CREB5: variants seen among roughly 807,000 people sequenced by gnomAD.
CREB5 encodes cyclic AMP-responsive element-binding protein 5.
CREB5 carries 19 observed loss-of-function variants against 57.1 expected under a neutral mutation model. The observed-to-expected ratio is 0.33, with a 90% CI of 0.23 to 0.49. The LOEUF is 0.49. CREB5 is among the 20% of genes least tolerant of loss of function. CREB5 has a pLI of 0.99. For missense variants in CREB5, 579 were observed against 671.6 expected (o/e 0.86, Z 1.52); for synonymous variants, 238 against 238.3 (o/e 1.00, Z 0.01).
At chr7:28,542,506 C>G (rs1020995707) in intron 4 of CREB5, among the ~76,000 whole-genome samples, 2 of 152,080 alleles carry the variant, frequency 1.3e-5, no homozygotes, top group African/African-American at 4.8e-5. Flanking sequence ...TTGTAAGAGA[C>G]AGAGTGGAAA....
chr7:28,372,227 C>A (rs1193407630), intron 1 of CREB5, among the ~76,000 whole-genome samples: 2 of 152,112 alleles, frequency 1.3e-5, no homozygotes, highest in African/African-American at 2.4e-5. Context: ...TAATAAATGG[C>A]AAATAAATTA....
chr7:28,335,512 C>T (rs1345535222), intron 1 of CREB5, among the ~76,000 whole-genome samples: 2 of 151,840 alleles, frequency 1.3e-5, no homozygotes, highest in African/African-American at 4.8e-5. Context: ...TGCCGTTGGC[C>T]TATAGAAATG....
At chr7:28,726,276 C>G (rs1367212632) in intron 7 of CREB5, among the ~76,000 whole-genome samples, 1 of 152,138 alleles carries the variant, frequency 6.6e-6, no homozygotes. Flanking sequence ...CCCAAGCTCC[C>G]ACCTCTACCC....
At chr7:28,533,889 T>TG (rs1793844287) in intron 4 of CREB5, among the ~76,000 whole-genome samples, 1 of 152,098 alleles carries the variant, frequency 6.6e-6, no homozygotes, top group South Asian at 2.1e-4. Flanking sequence ...CATCTTTTTT[T>TG]GAAATAAAAA....
chr7:28,536,264 G>A (rs995448046), intron 4 of CREB5, among the ~76,000 whole-genome samples: 4 of 152,196 alleles, frequency 2.6e-5, no homozygotes, highest in South Asian at 2.1e-4. Context: ...TGGGAAAAGC[G>A]TGCCTTGGAC....
At chr7:28,555,147 A>G (rs888600587) in intron 4 of CREB5, among the ~76,000 whole-genome samples, 5 of 137,394 alleles carry the variant, frequency 3.6e-5, no homozygotes, top group Admixed American at 1.4e-4. Context: ...CTTCCTGCAT[A>G]TGGGTTTACC....
intron 1 of CREB5, among the ~76,000 whole-genome samples, chr7:28,323,671 C>G (rs1020073431): frequency 6.6e-6 from 1 of 152,150 alleles, no homozygotes; most frequent in Non-Finnish European, 1.5e-5. Context: ...CACCAGAGAC[C>G]AGTTTTATGG....
At chr7:28,490,900 C>A (rs576492795) in intron 2 of CREB5, among the ~76,000 whole-genome samples, 1 of 152,224 alleles carries the variant, frequency 6.6e-6, no homozygotes, top group African/African-American at 2.4e-5. Flanking sequence ...AACCCTTCTT[C>A]TTTTTGGCAA....
intron 7 of CREB5, among the ~76,000 whole-genome samples, chr7:28,788,610 C>G (rs1039812361): frequency 6.6e-6 from 1 of 152,092 alleles, no homozygotes; most frequent in Admixed American, 6.5e-5. Context: ...ACAAAGTAAA[C>G]GCTTAGCAAA....
intron 4 of CREB5, among the ~76,000 whole-genome samples, chr7:28,531,356 C>T (rs948323618): frequency 6.6e-6 from 1 of 152,170 alleles, no homozygotes; most frequent in Non-Finnish European, 1.5e-5. Flanking sequence ...AAGCCTCCCT[C>T]CTGGCTTCGA....
intron 5 of CREB5, among the ~76,000 whole-genome samples, chr7:28,682,682 TGG>T (rs34179408): frequency 6.4e-5 from 7 of 109,248 alleles, no homozygotes; most frequent in Admixed American, 3.6e-4. Flanking sequence ...AACCTAAAAG[TGG>T]GGGGGGGGGG....
chr7:28,661,528 A>C (rs1368938895), intron 5 of CREB5, among the ~76,000 whole-genome samples: 1 of 151,546 alleles, frequency 6.6e-6, no homozygotes, highest in Non-Finnish European at 1.5e-5. Context: ...TTCTCAATAC[A>C]TCATCTATCT....
rs576486085 is a variant in CREB5, at chr7:28,372,435, G to A, written c.-25+72994G>A. 2.6e-5 allele frequency among the ~76,000 whole-genome samples: 4 copies of A among 152,282 alleles called. No homozygotes were observed. The South Asian group carries it at 8.3e-4, about 32-fold the overall frequency. ...TAGACCAGGAAAAGTCCTTCCTTGT[G>A]TGTTAGCCTGGTAAAAAGCAAAATA... On this transcript the variant is annotated intron_variant, in intron 1 of 9. Coordinates refer to the CREB5 transcript ENST00000396299.
chr7:28,671,438 G>T (rs1800034514), intron 5 of CREB5, among the ~76,000 whole-genome samples: 1 of 152,034 alleles, frequency 6.6e-6, no homozygotes, highest in African/African-American at 2.4e-5. Flanking sequence ...GGGTAACTTG[G>T]GTGACTCTTA....
chr7:28,528,401 G>A (rs150607), intron 4 of CREB5, among the ~76,000 whole-genome samples: 95,694 of 152,148 alleles, frequency 0.63, 30,330 homozygotes, highest in East Asian at 0.78. Flanking sequence ...GTAAACTTCA[G>A]TGTGCTATAC....
chr7:28,445,781 G>A (rs1021289936), intron 1 of CREB5, among the ~76,000 whole-genome samples: 1 of 151,714 alleles, frequency 6.6e-6, no homozygotes, highest in Admixed American at 6.6e-5. Flanking sequence ...TCGATCTTCT[G>A]ACCTCATGAT....
At chr7:28,426,171 C>G (rs1347209826) in intron 1 of CREB5, among the ~76,000 whole-genome samples, 1 of 152,306 alleles carries the variant, frequency 6.6e-6, no homozygotes, top group South Asian at 2.1e-4. Flanking sequence ...TCCTCTCTTG[C>G]TCTACTATGT....
intron 4 of CREB5, among the ~76,000 whole-genome samples, chr7:28,560,672 A>T (rs904687754): frequency 1.3e-5 from 2 of 151,886 alleles, no homozygotes; most frequent in African/African-American, 2.4e-5. Flanking sequence ...CAGACTGGAG[A>T]AGTTCAGCAG....
chr7:28,491,201 T>C, intron 2 of CREB5: 2 of 985,402 alleles, frequency 2.0e-6, no homozygotes, highest in South Asian at 4.7e-5. Flanking sequence ...ACAGTTTTTT[T>C]AAAAATTAAA....
Sources: allele counts gnomAD v4.1 joint callset (sites outside exome capture counted in the v4.1 genomes callset), GRCh38; gene constraint gnomAD v4.1.1; transcripts MANE v1.5; gene names NCBI Gene and HGNC (gene_info 2026-07-23, HGNC 2026-07-21).